The following ZNF790 variants were observed in gnomAD, a reference collection of about 807,000 sequenced individuals.
ZNF790 encodes zinc finger protein 790.
ZNF790 carries 8 observed loss-of-function variants against 12.1 expected under a neutral mutation model. The ratio of observed to expected loss-of-function variants is 0.66; its 90% CI spans 0.39 to 1.19. The LOEUF (loss-of-function observed/expected upper bound fraction) is 1.19. Ranked by LOEUF, ZNF790 falls within the 50% of genes most tolerant of loss-of-function variation. ZNF790 has a pLI of 0.01. For missense variants in ZNF790, 707 were observed against 752.2 expected (o/e 0.94, Z 0.70); for synonymous variants, 252 against 244.3 (o/e 1.03, Z -0.29).
intron 1 of ZNF790, among the ~76,000 whole-genome samples, chr19:36,836,768 AAAAC>A (rs1456188096): frequency 1.3e-5 from 2 of 152,118 alleles, no homozygotes; most frequent in East Asian, 1.9e-4. Context: ...CAAAAATCAA[AAAAC>A]AAAACACCTG....
intron 1 of ZNF790, among the ~76,000 whole-genome samples, chr19:36,832,724 A>G (rs1213271307): frequency 6.6e-6 from 1 of 152,108 alleles, no homozygotes; most frequent in Non-Finnish European, 1.5e-5. Context: ...GATAATAAAT[A>G]TTTATTTCTG....
intron 1 of ZNF790, among the ~76,000 whole-genome samples, chr19:36,830,329 G>A (rs2071922653): frequency 6.6e-6 from 1 of 152,160 alleles, no homozygotes; most frequent in Non-Finnish European, 1.5e-5. Flanking sequence ...CTATTGATAT[G>A]ATGTATCACA....
At chr19:36,846,185 A>G (rs1181880542) in intron 1 of ZNF790, among the ~76,000 whole-genome samples, 4 of 152,096 alleles carry the variant, frequency 2.6e-5, no homozygotes, top group African/African-American at 9.7e-5. Flanking sequence ...AGAATGGTAT[A>G]CTCTGTGAGG....
intron 2 of ZNF790, among the ~76,000 whole-genome samples, chr19:36,824,230 C>A (rs958219061): frequency 4.6e-5 from 7 of 151,870 alleles, no homozygotes; most frequent in African/African-American, 1.7e-4. Flanking sequence ...ATCTCCTGAC[C>A]TTGTGATCCA....
chr19:36,848,026 A>G (rs1398331811), intron 1 of ZNF790, among the ~76,000 whole-genome samples: 1 of 152,202 alleles, frequency 6.6e-6, no homozygotes, highest in Non-Finnish European at 1.5e-5. Flanking sequence ...ATAATTTTCT[A>G]TTATTTACAA....
chr19:36,826,351 G>A (rs573036276), intron 1 of ZNF790, among the ~76,000 whole-genome samples: 3 of 152,020 alleles, frequency 2.0e-5, no homozygotes, highest in African/African-American at 7.2e-5. Context: ...TTTGGGAGGC[G>A]AGGCGGGCAG....
intron 4 of ZNF790, among the ~76,000 whole-genome samples, chr19:36,822,006 A>G (rs1015520535): frequency 1.2e-4 from 18 of 152,306 alleles, no homozygotes; most frequent in Middle Eastern, 3.4e-3. Context: ...CTGATTTTCA[A>G]CTAAGCAGCC....
At chr19:36,848,954 C>T (rs2072210319) in intron 1 of ZNF790, among the ~76,000 whole-genome samples, 1 of 152,074 alleles carries the variant, frequency 6.6e-6, no homozygotes, top group Non-Finnish European at 1.5e-5. Context: ...CCACCACGCC[C>T]AGCTAATTTT....
At chr19:36,822,873 C>T (rs2071705541) in intron 4 of ZNF790, among the ~76,000 whole-genome samples, 1 of 151,692 alleles carries the variant, frequency 6.6e-6, no homozygotes, top group Non-Finnish European at 1.5e-5. Context: ...TCCCCTGAGA[C>T]AGAGTCTCAC....
In ZNF790 at chr19:36,819,690, T is replaced by C; in HGVS notation, c.654A>G (p.Thr218=). ...LPDSEVIQYQ[T]VHTVKKTYEC... ...CATATGTTTTCTTAACAGTGTGAAC[T>C]GTCTGATATTGAATAACTTCTGAAT... Residue 218 remains threonine (T), a synonymous_variant, in exon 5 of 5, where the codon ACA becomes ACG. Transcript: ENST00000356725. 1 of 1,613,216 alleles carries C rather than the reference T, an allele frequency of 6.2e-7. No individual in the cohort carries two copies. The highest frequency in any genetic ancestry group is 8.5e-7 in the Non-Finnish European group (1 of 1,179,570).
At chr19:36,825,559 ATGATT>A in intron 2 of ZNF790, 47 bp downstream of exon 2, 1 of 1,571,422 alleles carries the variant, frequency 6.4e-7, no homozygotes, top group Non-Finnish European at 8.8e-7. Context: ...AAATATTCAC[ATGATT>A]TGATATAAAT....
At position 36,823,701 on chromosome 19, in the gene ZNF790, C is replaced by T; in HGVS notation, c.99G>A (p.Val33=). 3 of 1,611,332 alleles carry T rather than the reference C, an allele frequency of 1.9e-6. No homozygotes were observed. Among genetic ancestry groups the T allele is most frequent in the Non-Finnish European group, 2.5e-6 (3 of 1,179,412 alleles). The change falls in exon 3 of 5, where the codon GTG becomes GTA. Residue 33 remains valine (V), a synonymous_variant. Transcript: ENST00000356725. The part of the protein sequence containing the change: ...DLEQRDLYRD[V]MLENYSNMVS... ...CCATGTTGCTGTAGTTCTCCAACAT[C>T]ACATCTCTATATAAATCCCTCTGTT... is the stretch of plus-strand genomic sequence containing the variant.
Position 36,819,247 on chromosome 19 carries a change from T to C in ZNF790, c.1097A>G (p.His366Arg), listed in dbSNP as rs149620665. ...GGCTTTTCCACATTCCTTACACTCA[T>C]GAGATTTCTCACCAGTATGAATTCT... ...HQRIHTGEKSHECKECGKAFI... is the reference protein window; with the variant it reads ...HQRIHTGEKSRECKECGKAFI... The change falls in exon 5 of 5, where the codon CAT becomes CGT. Residue 366 changes from histidine to arginine, a missense_variant. Coordinates refer to ENST00000356725, the MANE Select transcript of ZNF790 (RefSeq NM_206894.4). 113 of 1,613,654 alleles carry C rather than the reference T, an allele frequency of 7.0e-5. No individual in the cohort carries two copies. In the East Asian group the frequency reaches 2.0e-3, roughly 28 times the overall value.
At chr19:36,820,601 C>G (rs555280221) in intron 4 of ZNF790, among the ~76,000 whole-genome samples, 14 of 152,218 alleles carry the variant, frequency 9.2e-5, no homozygotes, top group Non-Finnish European at 2.1e-4. Flanking sequence ...GGTGATAGTT[C>G]AGACAGAAAA....
chr19:36,833,268 G>A (rs912637449), intron 1 of ZNF790, among the ~76,000 whole-genome samples: 7 of 152,062 alleles, frequency 4.6e-5, no homozygotes, highest in Admixed American at 2.6e-4. Context: ...TCAGACTCCC[G>A]AGTAGCTGGG....
rs1467743956 is a variant in ZNF790, at chr19:36,818,793, C to T, written c.1551G>A (p.Trp517Ter). Residue 517 changes from tryptophan (W) to a stop codon, truncating the protein, a stop_gained, in exon 5 of 5, where the codon TGG (tryptophan) becomes TGA (stop). Transcript: ENST00000356725. LOFTEE classifies it low-confidence loss of function (END_TRUNC). ...ECEECGKAFL[W>*]GSQLTRHQRM... is the part of the protein sequence containing the mutation. ...TCTGATGTCGAGTAAGTTGTGAACC[C>T]CAGAGAAAGGCTTTTCCACATTCTT... 1 of 1,610,404 alleles carries T rather than the reference C, an allele frequency of 6.2e-7. No individual in the cohort carries two copies. The highest frequency in any genetic ancestry group is 1.1e-5 in the South Asian group (1 of 90,796).
In ZNF790 at chr19:36,823,733, C is replaced by T; in HGVS notation, c.67G>A (p.Asp23Asn). ...CTATATAAATCCCTCTGTTCCAGGT[C>T]CAGGCACTCCCACTCCTCCTGAGAG... is the stretch of plus-strand genomic sequence containing the variant. ...DFSQEEWECL[D>N]LEQRDLYRDV... Residue 23 changes from aspartate to asparagine, a missense_variant, in exon 3 of 5, where the codon GAC becomes AAC. Transcript: ENST00000356725. The T allele has an allele frequency of 6.2e-7, 1 of 1,613,496 alleles. No individual in the cohort carries two copies. Among genetic ancestry groups the T allele is most frequent in the Non-Finnish European group, 8.5e-7 (1 of 1,179,734 alleles).
chr19:36,821,573 TTTTATTTA>T (rs535632117), intron 4 of ZNF790, among the ~76,000 whole-genome samples: 4 of 151,750 alleles, frequency 2.6e-5, no homozygotes, highest in East Asian at 1.9e-4. Flanking sequence ...GAGTTTGTCT[TTTTATTTA>T]TTTATTTATT....
chr19:36,823,953 A>C, intron 2 of ZNF790, 163 bp from the exon 3 acceptor site: 1 of 506,068 alleles, frequency 2.0e-6, no homozygotes, highest in Non-Finnish European at 3.4e-6. Flanking sequence ...GGGAAATGAC[A>C]TGGGAATAAG....
Sources: allele counts gnomAD v4.1 joint callset (sites outside exome capture counted in the v4.1 genomes callset), GRCh38; gene constraint gnomAD v4.1.1; transcripts MANE v1.5; gene names NCBI Gene and HGNC (gene_info 2026-07-23, HGNC 2026-07-21).